Variants in USP1 observed in about 807,000 individuals in gnomAD.
The protein encoded by USP1 is ubiquitin specific peptidase 1.
USP1 carries 18 observed loss-of-function variants against 72.2 expected under a neutral mutation model. That is an observed-to-expected ratio of 0.25 (90% confidence interval 0.17 to 0.37). USP1 has a LOEUF of 0.37. Among genes scored for constraint, USP1 ranks in the 10% least tolerant of loss-of-function variants. The pLI, the probability that USP1 is intolerant of heterozygous loss-of-function variation, is 1.00. For synonymous variants in USP1, 354 were observed against 303.7 expected, an observed-to-expected ratio of 1.17 and a Z score of -1.72; for missense variants, 759 against 884.9, an observed-to-expected ratio of 0.86 and a Z score of 1.81.
chr1:62,437,518 C>T (rs1413363204), intron 1 of USP1, 118 bp downstream of exon 1: 6 of 219,510 alleles, frequency 2.7e-5, no homozygotes, highest in African/African-American at 9.1e-5. Flanking sequence ...CCTGGTCGAC[C>T]TGCCAGGGGG....
intron 1 of USP1, among the ~76,000 whole-genome samples, chr1:62,437,688 T>C (rs9436221): frequency 0.41 from 63,029 of 151,886 alleles, 14,810 homozygotes; most frequent in African/African-American, 0.65. Context: ...CCGGGCAGCC[T>C]GGTCGCTGCT....
At chr1:62,447,741 TAA>T (rs759709514) in intron 7 of USP1, among the ~76,000 whole-genome samples, 10 of 152,178 alleles carry the variant, frequency 6.6e-5, no homozygotes, top group Non-Finnish European at 1.5e-4. Flanking sequence ...TGAAATGCTT[TAA>T]TAAGTGTACT....
rs540035804 is a variant in USP1, at chr1:62,442,179, A to G, written c.292-16A>G. 86 of 1,494,506 alleles carry G rather than the reference A, an allele frequency of 5.8e-5. No individual in the cohort carries two copies. The highest frequency in any genetic ancestry group is 7.2e-5 in the Non-Finnish European group (78 of 1,084,072). The allele number at this position is 1,494,506 out of a possible 1,614,324, so 92.6% of individuals were successfully genotyped here. A position where few individuals can be genotyped will look rare whatever the true frequency, so the allele number is the denominator to read the frequency against. On this transcript the variant is annotated splice_polypyrimidine_tract_variant and intron_variant, in intron 3 of 8. Coordinates refer to ENST00000339950, the MANE Select transcript of USP1 (RefSeq NM_003368.5). ...GTTTGTTCAGTAAACACTTAAGACA[A>G]TCTCACTTTTTATAGGTATTATATT... is the stretch of plus-strand genomic sequence containing the variant.
rs374298762 is a variant in USP1, at chr1:62,444,790, T to C, written c.610T>C (p.Leu204=). The change falls in exon 6 of 9, where the codon TTA becomes CTA. Residue 204 remains leucine (L), a synonymous_variant. Transcript: ENST00000339950. ...GYLQHDAQEV[L]QCILGNIQET... ...TCTACAGCATGATGCACAGGAAGTA[T>C]TACAATGTATTTTGGGAAACATTCA... 2 of 1,612,434 alleles carry C rather than the reference T, an allele frequency of 1.2e-6. No individual in the cohort carries two copies. Among genetic ancestry groups the C allele is most frequent in the African/African-American group, 2.7e-5 (2 of 74,770 alleles).
chr1:62,441,417 C>G (rs1238703275), intron 2 of USP1, 71 bp from the exon 3 acceptor site: 1 of 1,442,734 alleles, frequency 6.9e-7, no homozygotes, highest in Non-Finnish European at 9.2e-7. Flanking sequence ...AAGACTAAAT[C>G]TACAGAAGTA....
intron 6 of USP1, among the ~76,000 whole-genome samples, chr1:62,445,958 C>A (rs138622785): frequency 6.6e-6 from 1 of 151,300 alleles, no homozygotes; most frequent in Non-Finnish European, 1.5e-5. Flanking sequence ...CAGCCTGGGG[C>A]GACAGAGCAA....
intron 2 of USP1, among the ~76,000 whole-genome samples, chr1:62,441,011 ATT>A (rs397737121): frequency 1.4e-4 from 20 of 145,682 alleles, no homozygotes; most frequent in Admixed American, 1.4e-4. Flanking sequence ...ATAGCTACAT[ATT>A]TTTTTTTTTT....
intron 7 of USP1, among the ~76,000 whole-genome samples, chr1:62,448,080 C>T (rs1216754240): frequency 2.0e-5 from 3 of 152,228 alleles, no homozygotes; most frequent in Non-Finnish European, 4.4e-5. Flanking sequence ...GCCACCGCGC[C>T]TGGCCTACTG....
In USP1 at chr1:62,448,572, C is replaced by A; in HGVS notation, c.1528C>A (p.His510Asn). 6.2e-7 allele frequency: 1 copy of A among 1,613,842 alleles called. No homozygotes were observed. The highest frequency in any genetic ancestry group is 8.5e-7 in the Non-Finnish European group (1 of 1,179,918). ...AGATAAATATTTCTGTGAAAACTGCCATCATTATACTGAAGCTGAACGAAG... is the reference window on the plus strand; with the variant it reads ...AGATAAATATTTCTGTGAAAACTGCAATCATTATACTGAAGCTGAACGAAG... ...GEDKYFCENC[H>N]HYTEAERSLL... The change falls in exon 8 of 9, where the codon CAT (histidine) becomes AAT (asparagine). Residue 510 changes from histidine (H) to asparagine (N), a missense_variant. This residue lies in a region of USP1 where 140 missense variants were observed against 222.8 expected (regional missense o/e 0.63). Transcript: ENST00000339950.
chr1:62,447,290 ATAATGAGAAACTAATCTG>A, intron 6 of USP1, 33 bp from the exon 7 acceptor site: 1 of 1,523,656 alleles, frequency 6.6e-7, no homozygotes, highest in Non-Finnish European at 8.8e-7. Context: ...TATTTGGACT[ATAATGAGAAACTAATCTG>A]TATAGACTTA....
Position 62,444,923 on chromosome 1 carries a change from G to A in USP1, c.743G>A (p.Ser248Asn), listed in dbSNP as rs753734274. ...HPKEEMNGIN[S>N]IEMDSMRHSE... The stretch of plus-strand genomic sequence containing the variant: ...AAAGAGGAAATGAATGGTATTAACA[G>A]CATAGAGATGGACAGTATGAGGCAT... The change falls in exon 6 of 9, where the codon AGC becomes AAC. Residue 248 changes from serine (S) to asparagine (N), a missense_variant. Physicochemically the swap from Ser to Asn is conservative, Grantham distance 46 (BLOSUM62 1). Transcript: ENST00000339950. 4 of 1,613,650 alleles carry A rather than the reference G, an allele frequency of 2.5e-6. No homozygotes were observed. In the African/African-American group the frequency reaches 4.0e-5, roughly 16 times the overall value.
chr1:62,448,038 G>T (rs1369623800), intron 7 of USP1, among the ~76,000 whole-genome samples: 1 of 152,086 alleles, frequency 6.6e-6, no homozygotes, highest in Non-Finnish European at 1.5e-5. Flanking sequence ...CGCCCGCCTT[G>T]GCCTCCCAAA....
In USP1 at chr1:62,450,475, A is replaced by T. The variant is rs564520130; in HGVS notation, c.1852A>T (p.Met618Leu). 1 of 1,614,144 alleles carries T rather than the reference A, an allele frequency of 6.2e-7. No homozygotes were observed. Among genetic ancestry groups the T allele is most frequent in the Admixed American group, 1.7e-5 (1 of 60,022 alleles). ...LDKGNFVVDQ[M>L]CEIGKPEPLN... ...TAAAGGAAATTTTGTGGTTGACCAAATGTGTGAAATAGGTAAGCCAGAACC... is the reference window on the plus strand; with the variant it reads ...TAAAGGAAATTTTGTGGTTGACCAATTGTGTGAAATAGGTAAGCCAGAACC... Residue 618 changes from methionine to leucine, a missense_variant, in exon 9 of 9, where the codon ATG becomes TTG. Met to Leu is a conservative substitution (Grantham distance 15, BLOSUM62 2). This residue lies in a region of USP1 where 159 missense variants were observed against 140.9 expected (regional missense o/e 1.13). Transcript: ENST00000339950.
chr1:62,450,105 T>C, intron 8 of USP1, 141 bp from the exon 9 acceptor site: 2 of 949,272 alleles, frequency 2.1e-6, no homozygotes, highest in Admixed American at 3.3e-5. Context: ...AGTTGGGGTC[T>C]TGTTTTGATT....
rs1036360995 is a variant in USP1, at chr1:62,437,847, C to T, written c.-70+447C>T. On this transcript the variant is annotated intron_variant, in intron 1 of 8. Transcript: ENST00000339950. ...CTTTTTCAAGAAGTGTTTAGAACGC[C>T]GCGTGTCTTAAACCTTGGCGAAGAT... Among the ~76,000 whole-genome samples the T allele has an allele frequency of 2.6e-5, 4 of 152,318 alleles. No homozygotes were observed. In the South Asian group the frequency reaches 6.2e-4, roughly 24 times the overall value.
chr1:62,451,629 C>T lies in USP1; in HGVS notation c.*648C>T, dbSNP rs1002859858. 1 of 152,762 alleles carries T rather than the reference C, an allele frequency of 6.5e-6. No homozygotes were observed. The highest frequency in any genetic ancestry group is 2.4e-5 in the African/African-American group (1 of 41,566). The allele number at this position is 152,762 out of a possible 1,614,324, so 9.5% of individuals were successfully genotyped here. On this transcript the variant is annotated 3_prime_UTR_variant, in exon 9 of 9. Transcript: ENST00000339950. Reference sequence around the variant, plus strand: ...CATGGACTAATTTGTATCTGTTTAACTCATATTCTGCACGATCTGTATATA... The same window carrying T: ...CATGGACTAATTTGTATCTGTTTAATTCATATTCTGCACGATCTGTATATA...
rs746092577 is a variant in USP1 at position 62,451,006 on chromosome 1, A to AT, written c.*26dup. 6.5e-7 allele frequency: 1 copy of AT among 1,536,772 alleles called. No homozygotes were observed. The highest frequency in any genetic ancestry group is 2.1e-5 in the Admixed American group (1 of 46,778). On this transcript the variant is annotated 3_prime_UTR_variant, in exon 9 of 9. Coordinates refer to ENST00000339950, the MANE Select transcript of USP1 (RefSeq NM_003368.5). ...GAGTGAGTGTATTTTCCTTGTGTAT[A>AT]TATTAAACACACCCATACAAACATT...
At chr1:62,436,938 C>T, upstream of USP1, 1 of 394,812 alleles carries the variant, frequency 2.5e-6, no homozygotes, top group Non-Finnish European at 4.5e-6. Flanking sequence ...CGGCTCCTGC[C>T]TTTCGTGTCT....
chr1:62,437,990 T>C (rs1645103768), intron 1 of USP1, among the ~76,000 whole-genome samples: 1 of 152,140 alleles, frequency 6.6e-6, no homozygotes, highest in Admixed American at 6.5e-5. Context: ...TCGTCGTGCT[T>C]TCTGCGAAAG....
Sources: gnomAD v4.1 joint callset for allele counts (sites outside exome capture counted in the v4.1 genomes callset) on GRCh38, gnomAD v4.1.1 for gene constraint, gnomAD v4.1.1 regional missense constraint, MANE v1.5 for transcripts, NCBI Gene and HGNC (gene_info 2026-07-23, HGNC 2026-07-21) for gene names.